AHI1: variants seen among roughly 807,000 people sequenced by gnomAD.
AHI1 encodes the protein Abelson helper integration site 1, also known as jouberin.
In AHI1, 123 loss-of-function variants were observed where a neutral mutation model predicts 149.3. That is an observed-to-expected ratio of 0.82 (90% CI 0.71 to 0.96). The LOEUF is 0.96. Among genes scored for constraint, AHI1 ranks in the 40% least tolerant of loss-of-function variants. AHI1 has a pLI of 0.00. For missense variants in AHI1, 1,439 were observed against 1,422.7 expected (o/e 1.01, Z -0.18); for synonymous variants, 475 against 459.8 (o/e 1.03, Z -0.42).
At chr6:135,372,519 A>AAAAAAAAAAAG (rs1491094817) in intron 23 of AHI1, among the ~76,000 whole-genome samples, 2 of 33,056 alleles carry the variant, frequency 6.1e-5, no homozygotes, top group African/African-American at 1.5e-4. Context: ...AAAAAAAAAG[A>AAAAAAAAAAAG]AAAAAAAAAA....
chr6:135,361,301 A>C (rs1562576528), intron 23 of AHI1, among the ~76,000 whole-genome samples: 1 of 152,122 alleles, frequency 6.6e-6, no homozygotes, highest in Non-Finnish European at 1.5e-5. Flanking sequence ...ATATATTGTC[A>C]GTATTGTTGT....
intron 22 of AHI1, among the ~76,000 whole-genome samples, chr6:135,397,556 T>C (rs187622694): frequency 1.3e-5 from 2 of 152,146 alleles, no homozygotes; most frequent in African/African-American, 4.8e-5. Context: ...AAGTTAATCA[T>C]AAAACTGTTT....
chr6:135,418,986 C>T (rs1782768417), intron 20 of AHI1, among the ~76,000 whole-genome samples: 1 of 149,918 alleles, frequency 6.7e-6, no homozygotes, highest in African/African-American at 2.5e-5. Flanking sequence ...TGACTTGTTC[C>T]TCCTTCAGCT....
Position 135,455,783 on chromosome 6 carries a change from T to C in AHI1, c.1295A>G (p.Tyr432Cys). ...EQIVFNENFP[Y>C]LLRGSDESPK... ...ACTCTCATCAGAGCCTCGAAGCAAA[T>C]AGGGAAAATTTTCATTAAATACAAT... Residue 432 changes from tyrosine to cysteine, a missense_variant, in exon 10 of 29, where the codon TAT (tyrosine) becomes TGT (cysteine). Transcript: ENST00000265602. 6.2e-7 allele frequency: 1 copy of C among 1,603,620 alleles called. No individual in the cohort carries two copies. Among genetic ancestry groups the C allele is most frequent in the Non-Finnish European group, 8.5e-7 (1 of 1,174,236 alleles).
At position 135,427,251 on chromosome 6, in the gene AHI1, A is replaced by C. The variant is rs1472405403; in HGVS notation, c.2680T>G (p.Ser894Ala). The C allele has an allele frequency of 6.2e-7, 1 of 1,610,588 alleles. No individual in the cohort carries two copies. The highest frequency in any genetic ancestry group is 8.5e-7 in the Non-Finnish European group (1 of 1,177,738). ...ACCATATTTTCAAATGGATGATAAG[A>C]AATGTCTCGAATGGGTGACTTGAAT... ...LPFKSPIRDI[S>A]YHPFENMVAF... The change falls in exon 20 of 29, where the codon TCT becomes GCT. Residue 894 changes from serine (S) to alanine (A), a missense_variant. Transcript: ENST00000265602.
intron 24 of AHI1, among the ~76,000 whole-genome samples, chr6:135,335,357 A>G (rs1436651550): frequency 6.6e-6 from 1 of 152,150 alleles, no homozygotes; most frequent in African/African-American, 2.4e-5. Flanking sequence ...AAACTTTAAA[A>G]ATTGAATCTG....
chr6:135,366,858 G>C (rs764530420), intron 23 of AHI1, among the ~76,000 whole-genome samples: 1 of 152,016 alleles, frequency 6.6e-6, no homozygotes, highest in Non-Finnish European at 1.5e-5. Context: ...CTAGTTCCTT[G>C]AGGTGTGACC....
At chr6:135,323,098 T>C in intron 25 of AHI1, 64 bp downstream of exon 25, 1 of 1,460,170 alleles carries the variant, frequency 6.8e-7, no homozygotes, top group South Asian at 1.6e-5. Flanking sequence ...GACTAGAAAA[T>C]GATAAAATCT....
chr6:135,490,306 T>G, intron 5 of AHI1: 1 of 695,384 alleles, frequency 1.4e-6, no homozygotes, highest in Non-Finnish European at 2.6e-6. Context: ...ACTTCCTAAG[T>G]TCTTCACAAT....
At chr6:135,292,697 C>T (rs1782518181) in intron 27 of AHI1, among the ~76,000 whole-genome samples, 1 of 151,798 alleles carries the variant, frequency 6.6e-6, no homozygotes, top group Admixed American at 6.6e-5. Context: ...CCTTACTAGA[C>T]AAAGACTTAA....
rs1181159671 is a variant in AHI1, at chr6:135,463,138, CTTTTT to C, written c.913_917del (p.Lys305GlufsTer3). 6.3e-7 allele frequency: 1 copy of C among 1,576,688 alleles called. No individual in the cohort carries two copies. Among genetic ancestry groups the C allele is most frequent in the African/African-American group, 1.4e-5 (1 of 72,718 alleles). ...TGTATAGCAAACCTGCTTTAGTCTTCTTTTTTGTTTTTTTTGGTTTAGGTTTTGTA... is the reference window on the plus strand; with the variant it reads ...TGTATAGCAAACCTGCTTTAGTCTTCTGTTTTTTTTGGTTTAGGTTTTGTA... On this transcript the variant is annotated frameshift_variant, in exon 8 of 29. Transcript: ENST00000265602. LOFTEE classifies it high-confidence loss of function.
At chr6:135,441,143 A>T (rs911480664) in intron 14 of AHI1, among the ~76,000 whole-genome samples, 18 of 151,432 alleles carry the variant, frequency 1.2e-4, no homozygotes, top group African/African-American at 3.9e-4. Flanking sequence ...AGATATGATT[A>T]AAAAAAAAGT....
chr6:135,331,437 C>A (rs1356061877), intron 24 of AHI1, among the ~76,000 whole-genome samples: 2 of 152,262 alleles, frequency 1.3e-5, no homozygotes, highest in East Asian at 1.9e-4. Context: ...TCTTTTCCAG[C>A]ACTGCTGGAA....
At chr6:135,336,793 G>A (rs77862620) in intron 24 of AHI1, among the ~76,000 whole-genome samples, 109 of 152,184 alleles carry the variant, frequency 7.2e-4, no homozygotes, top group African/African-American at 2.6e-3. Context: ...ACATGCCTGT[G>A]TATCTGTCTA....
chr6:135,286,214 T>C (rs1411974611), intron 28 of AHI1, among the ~76,000 whole-genome samples: 1 of 152,250 alleles, frequency 6.6e-6, no homozygotes, highest in Non-Finnish European at 1.5e-5. Flanking sequence ...CAGATGTGGC[T>C]TTGATGTAAA....
In AHI1 at chr6:135,445,607, C is replaced by G. The variant is rs188664214; in HGVS notation, c.1779+1401G>C. Among the ~76,000 whole-genome samples, 372 of 152,228 alleles carry G rather than the reference C, an allele frequency of 2.4e-3. 2 individuals carry two copies. Among genetic ancestry groups the G allele is most frequent in the African/African-American group, 8.3e-3 (346 of 41,548 alleles). On this transcript the variant is annotated intron_variant, in intron 13 of 28. Coordinates refer to ENST00000265602, the MANE Select transcript of AHI1 (RefSeq NM_001134831.2). ...CTTTTTAAAGAGATGGGATCTCATT[C>G]TGTCATCCAGGCTTGAGTGCAGTGG...
At chr6:135,302,932 T>C in intron 26 of AHI1, 1 of 658,248 alleles carries the variant, frequency 1.5e-6, no homozygotes, top group Non-Finnish European at 2.2e-6. Flanking sequence ...TGTTAGAAAG[T>C]TGTTTTATGA....
chr6:135,404,013 C>A (rs1780393969), intron 22 of AHI1, among the ~76,000 whole-genome samples: 1 of 150,202 alleles, frequency 6.7e-6, no homozygotes, highest in Non-Finnish European at 1.5e-5. Context: ...GTAGTAGGTG[C>A]CCACTGAATT....
At position 135,285,598 on chromosome 6, in the gene AHI1, T is replaced by A; in HGVS notation, c.*47A>T. On this transcript the variant is annotated 3_prime_UTR_variant, in exon 29 of 29. Coordinates refer to ENST00000265602, the MANE Select transcript of AHI1 (RefSeq NM_001134831.2). ...AAGAGAAATTCCATTTGGTTTGTCA[T>A]TTTCACCTCTGTGCATTTCGGCAGC... is the stretch of plus-strand genomic sequence containing the variant. The A allele has an allele frequency of 6.2e-7, 1 of 1,600,136 alleles. No homozygotes were observed. Among genetic ancestry groups the A allele is most frequent in the Non-Finnish European group, 8.5e-7 (1 of 1,170,372 alleles).
Sources: allele counts gnomAD v4.1 joint callset (sites outside exome capture counted in the v4.1 genomes callset), GRCh38; gene constraint gnomAD v4.1.1; transcripts MANE v1.5; gene names NCBI Gene and HGNC (gene_info 2026-07-23, HGNC 2026-07-21).